DNAH3: variants seen among roughly 807,000 people sequenced by gnomAD.
DNAH3 encodes the protein dynein axonemal heavy chain 3, also known as axonemal beta dynein heavy chain 3.
Under a neutral mutation model 432.5 loss-of-function variants are expected in DNAH3, and 332 were observed. The ratio of observed to expected loss-of-function variants is 0.77; its 90% CI spans 0.70 to 0.84. The LOEUF (loss-of-function observed/expected upper bound fraction) is 0.84. DNAH3 is among the 40% of genes least tolerant of loss of function. DNAH3 has a pLI of 0.00. For missense variants in DNAH3, 4,861 were observed against 5,114.0 expected, an observed-to-expected ratio of 0.95 and a Z score of 1.51; for synonymous variants, 1,956 against 1,900.2, an observed-to-expected ratio of 1.03 and a Z score of -0.76.
chr16:21,028,354 T>C (rs1371271788), intron 37 of DNAH3, among the ~76,000 whole-genome samples: 1 of 151,944 alleles, frequency 6.6e-6, no homozygotes, highest in African/African-American at 2.4e-5. Flanking sequence ...CATAAATCTT[T>C]TTTAGAATAG....
At chr16:20,989,413 TAA>T (rs911815539) in intron 44 of DNAH3, among the ~76,000 whole-genome samples, 1 of 149,930 alleles carries the variant, frequency 6.7e-6, no homozygotes, top group African/African-American at 2.5e-5. Context: ...GAGCTAGACA[TAA>T]AGTTTTTCCA....
At chr16:21,077,124 C>T (rs1162374571) in intron 20 of DNAH3, among the ~76,000 whole-genome samples, 2 of 152,096 alleles carry the variant, frequency 1.3e-5, no homozygotes, top group East Asian at 1.9e-4. Context: ...CTCTTCTTTC[C>T]ATCTTTGTTT....
At position 21,020,268 on chromosome 16, in the gene DNAH3, C is replaced by T. The variant is rs374797747; in HGVS notation, c.5777-399G>A. Among the ~76,000 whole-genome samples the T allele has an allele frequency of 1.3e-3, 194 of 145,196 alleles. 8 individuals are homozygous for T. In the South Asian group the frequency reaches 0.042, roughly 32 times the overall value. Reference sequence around the variant, plus strand: ...AACTCCTGAGCTCAAGCAATCCACCCACCTCGGCCTCTCAAAATGCTAGGA... The same window carrying T: ...AACTCCTGAGCTCAAGCAATCCACCTACCTCGGCCTCTCAAAATGCTAGGA... On this transcript the variant is annotated intron_variant, in intron 40 of 61. Transcript: ENST00000261383.
exon 57 of DNAH3, chr16:20,948,556 T>C: frequency 6.2e-7 from 1 of 1,614,136 alleles, no homozygotes; most frequent in Non-Finnish European, 8.5e-7. Flanking sequence ...CTCAATTTCC[T>C]TACAGTAGAA....
chr16:21,120,590 G>C lies in DNAH3; in HGVS notation c.1699+150C>G, dbSNP rs748744572. On this transcript the variant is annotated intron_variant, in intron 11 of 61. Coordinates refer to ENST00000261383, the Ensembl canonical transcript of DNAH3. ...GCTTAAGGAGGAAGCTAGGGCTGTG[G>C]GTGTCACTAGATGGGGAACTCAGTC... is the stretch of plus-strand genomic sequence containing the variant. The C allele has an allele frequency of 9.2e-5, 61 of 666,630 alleles. 1 individual carries two copies. The South Asian group carries it at 1.0e-3, about 11-fold the overall frequency. 41.3% of individuals were successfully genotyped at this position (666,630 alleles called of 1,614,324 possible). A position where few individuals can be genotyped will look rare whatever the true frequency, so the allele number is the denominator to read the frequency against.
At chr16:21,067,525 G>T in intron 23 of DNAH3, 106 bp from the exon 24 acceptor site, 1 of 1,215,684 alleles carries the variant, frequency 8.2e-7, no homozygotes, top group Non-Finnish European at 1.2e-6. Context: ...TCCTTGTCCA[G>T]CTAACTGCCT....
chr16:21,082,622 G>C (rs1335554805), intron 19 of DNAH3, among the ~76,000 whole-genome samples: 1 of 151,974 alleles, frequency 6.6e-6, no homozygotes, highest in Non-Finnish European at 1.5e-5. Flanking sequence ...TTGAGGTCAG[G>C]TGTTCAAGAC....
intron 48 of DNAH3, among the ~76,000 whole-genome samples, chr16:20,984,628 G>A (rs886834697): frequency 6.6e-6 from 1 of 152,138 alleles, no homozygotes; most frequent in Non-Finnish European, 1.5e-5. Flanking sequence ...CCAGCACTTC[G>A]GGAGGCCGAG....
intron 6 of DNAH3, 66 bp from the exon 8 acceptor site, chr16:21,134,520 AT>A: frequency 6.8e-7 from 1 of 1,473,164 alleles, no homozygotes. Context: ...GCTTCAACTC[AT>A]TTAGTTTTGT....
At chr16:21,117,146 G>A in intron 12 of DNAH3, 57 bp downstream of exon 12, 1 of 1,218,452 alleles carries the variant, frequency 8.2e-7, no homozygotes, top group Non-Finnish European at 1.2e-6. Context: ...TGAGAGTTAA[G>A]AACACCAAAT....
chr16:21,020,348 GTATATA>G (rs58198093), intron 40 of DNAH3, among the ~76,000 whole-genome samples: 3 of 69,176 alleles, frequency 4.3e-5, no homozygotes, highest in African/African-American at 1.3e-4. Context: ...TATAGTGTGT[GTATATA>G]TATATATATA....
chr16:20,979,192 G>C, intron 50 of DNAH3, 138 bp downstream of exon 50: 1 of 703,414 alleles, frequency 1.4e-6, no homozygotes, highest in South Asian at 1.8e-5. Context: ...CAGTGATGTA[G>C]GTAAGGTAAG....
At chr16:20,972,739 A>AT (rs34245316) in intron 51 of DNAH3, among the ~76,000 whole-genome samples, 44,157 of 94,988 alleles carry the variant, frequency 0.46, 10,128 homozygotes, top group South Asian at 0.58. Flanking sequence ...ATGCCCCGTG[A>AT]TTTTTTTTTT....
chr16:20,981,991 CAT>C (rs1567575154), intron 49 of DNAH3, among the ~76,000 whole-genome samples: 2 of 147,048 alleles, frequency 1.4e-5, no homozygotes, highest in East Asian at 3.9e-4. Context: ...ATATAAAGCA[CAT>C]ATATAATATA....
chr16:21,047,424 T>C (rs7498862), intron 31 of DNAH3, among the ~76,000 whole-genome samples: 36,186 of 151,648 alleles, frequency 0.24, 4,583 homozygotes, highest in Admixed American at 0.32. Flanking sequence ...ATTTCATTCA[T>C]TTCATCTTCC....
intron 1 of DNAH3, among the ~76,000 whole-genome samples, chr16:21,151,532 G>T (rs1020885658): frequency 1.3e-5 from 2 of 151,898 alleles, no homozygotes; most frequent in Admixed American, 6.6e-5. Context: ...TCCTGACCTC[G>T]TGATCCGCCC....
In DNAH3 at chr16:21,125,164, C is replaced by T; in HGVS notation, c.1404+11G>A. 1 of 1,587,878 alleles carries T rather than the reference C, an allele frequency of 6.3e-7. No homozygotes were observed. The highest frequency in any genetic ancestry group is 8.6e-7 in the Non-Finnish European group (1 of 1,164,668). ...CCCCTCAAAAGGTCCAAATGCAGGT[C>T]CCTGACTTACTTTGTGTATCATGAA... On this transcript the variant is annotated intron_variant, in intron 9 of 61. Transcript: ENST00000261383.
chr16:21,120,827 A>G lies in DNAH3; in HGVS notation c.1612T>C (p.Phe538Leu), dbSNP rs139118151. The G allele has an allele frequency of 3.2e-5, 51 of 1,614,074 alleles. 1 individual carries two copies. The East Asian group carries it at 1.1e-3, about 35-fold the overall frequency. Residue 538 changes from phenylalanine (F) to leucine (L), a missense_variant, in exon 11 of 62, where the codon TTC becomes CTC. Coordinates refer to ENST00000261383, the Ensembl canonical transcript of DNAH3. ...TGCCGATCAGCAGCAGCAGCAGTGA[A>G]GGAGAACTTAAGTGGTATGTATTTC...
intron 57 of DNAH3, 129 bp from the exon 58 acceptor site, chr16:20,944,792 C>CACAA: frequency 1.2e-6 from 1 of 832,916 alleles, no homozygotes; most frequent in Non-Finnish European, 1.9e-6. Context: ...CACACACACA[C>CACAA]ACACACACAC....
Sources: allele counts gnomAD v4.1 joint callset (sites outside exome capture counted in the v4.1 genomes callset), GRCh38; gene constraint gnomAD v4.1.1; transcripts MANE v1.5; gene names NCBI Gene and HGNC (gene_info 2026-07-23, HGNC 2026-07-21).